The following KIF26B variants were observed in gnomAD, a reference collection of about 807,000 sequenced individuals.
KIF26B encodes kinesin-like protein KIF26B.
In KIF26B, 63 loss-of-function variants were observed where a neutral mutation model predicts 151.2. The ratio of observed to expected loss-of-function variants is 0.42; its 90% CI spans 0.34 to 0.51. The LOEUF (loss-of-function observed/expected upper bound fraction) is 0.51, where lower values mean the gene tolerates loss of function less well. Among genes scored for constraint, KIF26B ranks in the 20% least tolerant of loss-of-function variants. The pLI is 0.07. For missense variants in KIF26B, 2,813 were observed against 2,913.6 expected (o/e 0.97, Z 0.79); for synonymous variants, 1,357 against 1,262.1 (o/e 1.08, Z -1.59).
Position 245,706,590 on chromosome 1 carries a change from GCA to G in KIF26B, c.*3991_*3992del, listed in dbSNP as rs1233969695. The G allele has an allele frequency of 1.3e-5, 2 of 152,196 alleles. No homozygotes were observed. The allele number at this position is 152,196 out of a possible 1,614,324, so 9.4% of individuals were successfully genotyped here. On this transcript the variant is annotated 3_prime_UTR_variant, in exon 15 of 15. Coordinates refer to ENST00000407071, the MANE Select transcript of KIF26B (RefSeq NM_018012.4). ...GCTGGACTAGTAACCCATTCTTGGA[GCA>G]CACACAGAGTCCCTCGCTTCTAAAG...
chr1:245,538,520 G>A (rs1225747580), intron 4 of KIF26B, among the ~76,000 whole-genome samples: 1 of 151,970 alleles, frequency 6.6e-6, no homozygotes, highest in Non-Finnish European at 1.5e-5. Context: ...CTCCTCAGCA[G>A]GGGATGTGTG....
rs1011197834 is a variant in KIF26B, at chr1:245,708,719, C to G, written c.*6113C>G. The G allele has an allele frequency of 1.3e-5, 2 of 152,232 alleles. No individual in the cohort carries two copies. The highest frequency in any genetic ancestry group is 2.9e-5 in the Non-Finnish European group (2 of 68,048). The allele number at this position is 152,232 out of a possible 1,614,324, so 9.4% of individuals were successfully genotyped here. Reference sequence around the variant, plus strand: ...CCGTCCGTGATATATTACCTAACTCCTCCAGAACTCAGTTTTCTAACCTAT... The same window carrying G: ...CCGTCCGTGATATATTACCTAACTCGTCCAGAACTCAGTTTTCTAACCTAT... On this transcript the variant is annotated 3_prime_UTR_variant, in exon 15 of 15. Coordinates refer to ENST00000407071, the MANE Select transcript of KIF26B (RefSeq NM_018012.4).
chr1:245,528,589 A>G (rs1317323332), intron 4 of KIF26B, among the ~76,000 whole-genome samples: 2 of 152,224 alleles, frequency 1.3e-5, no homozygotes, highest in African/African-American at 4.8e-5. Context: ...TGGGCAATGA[A>G]GCAGCTCTAA....
rs550132708 is a variant in KIF26B, at chr1:245,364,578, G to A, written c.466-2256G>A. Among the ~76,000 whole-genome samples, 5 of 151,860 alleles carry A rather than the reference G, an allele frequency of 3.3e-5. 1 individual carries two copies. The highest frequency in any genetic ancestry group is 1.2e-4 in the African/African-American group (5 of 41,392). ...TGGGACTACAGGCGCCCGCCACCAC[G>A]CCCAGCTAATTTTTTTGTATTTTAG... On this transcript the variant is annotated intron_variant, in intron 2 of 14. Coordinates refer to ENST00000407071, the MANE Select transcript of KIF26B (RefSeq NM_018012.4).
At chr1:245,223,195 G>T (rs73127155) in intron 2 of KIF26B, among the ~76,000 whole-genome samples, 1 of 152,146 alleles carries the variant, frequency 6.6e-6, no homozygotes, top group Non-Finnish European at 1.5e-5. Flanking sequence ...GCTAGCCCCA[G>T]ATTGCAGCAG....
At position 245,368,545 on chromosome 1, in the gene KIF26B, AGGT is replaced by A. The variant is rs981996349; in HGVS notation, c.999+1181_999+1183del. Among the ~76,000 whole-genome samples the A allele has an allele frequency of 3.4e-4, 52 of 152,130 alleles. 2 individuals are homozygous for A. The highest frequency in any genetic ancestry group is 4.4e-5 in the Non-Finnish European group (3 of 68,018). ...GGGTCTGTCATGGTGGGTGTTTGGT[AGGT>A]GGCCTTCTGCTGCGATGTGAGGACT... On this transcript the variant is annotated intron_variant, in intron 3 of 14. Transcript: ENST00000407071.
chr1:245,578,077 C>T (rs139930427), intron 5 of KIF26B, among the ~76,000 whole-genome samples: 177 of 152,356 alleles, frequency 1.2e-3, no homozygotes, highest in African/African-American at 4.1e-3. Context: ...AGTCCACTCT[C>T]CCCAGTCTCC....
intron 4 of KIF26B, among the ~76,000 whole-genome samples, chr1:245,477,252 A>G (rs1300001744): frequency 6.6e-6 from 1 of 151,908 alleles, no homozygotes; most frequent in Non-Finnish European, 1.5e-5. Flanking sequence ...CTTAGAAAGC[A>G]TATTTTTGAA....
At chr1:245,453,104 G>T (rs1659435152) in intron 4 of KIF26B, among the ~76,000 whole-genome samples, 1 of 152,066 alleles carries the variant, frequency 6.6e-6, no homozygotes, top group Non-Finnish European at 1.5e-5. Context: ...TTAATTTTTT[G>T]TGTATGGTGT....
At chr1:245,155,510 G>A (rs1307733018) in intron 1 of KIF26B, 23 bp downstream of exon 1, 7 of 1,595,828 alleles carry the variant, frequency 4.4e-6, no homozygotes, top group Non-Finnish European at 6.0e-6. Flanking sequence ...GGTACGACGC[G>A]GAGACGCGTT....
intron 2 of KIF26B, among the ~76,000 whole-genome samples, chr1:245,267,673 CACACACACACAA>C (rs1452998229): frequency 2.9e-4 from 37 of 129,728 alleles, no homozygotes; most frequent in Middle Eastern, 4.1e-3. Flanking sequence ...CACACACACA[CACACACACACAA>C]AAGGAGAAAA....
chr1:245,531,430 A>G (rs6697408), intron 4 of KIF26B, among the ~76,000 whole-genome samples: 51,519 of 151,894 alleles, frequency 0.34, 9,645 homozygotes, highest in Middle Eastern at 0.46. Context: ...TTTTTTTTCA[A>G]CCCGTAATGT....
rs141035693 is a variant in KIF26B, at chr1:245,522,841, C to G, written c.1167-17926C>G. ...ACTTGTGATGTAGCAGGGCTTACAG[C>G]AAAGGCATCCCTTTCACCTTGCTCT... On this transcript the variant is annotated intron_variant, in intron 4 of 14. Transcript: ENST00000407071. Among the ~76,000 whole-genome samples, 112 of 152,290 alleles carry G rather than the reference C, an allele frequency of 7.4e-4. No individual in the cohort carries two copies. The East Asian group carries it at 0.015, about 20-fold the overall frequency.
At chr1:245,320,140 G>A (rs934057206) in intron 2 of KIF26B, among the ~76,000 whole-genome samples, 4 of 152,192 alleles carry the variant, frequency 2.6e-5, no homozygotes, top group African/African-American at 7.2e-5. Context: ...GAGCAGCAAT[G>A]TGCCCTGCAC....
chr1:245,675,277 A>ATGAT (rs145408934), intron 10 of KIF26B, among the ~76,000 whole-genome samples: 3,145 of 152,268 alleles, frequency 0.021, 47 homozygotes, highest in Non-Finnish European at 0.033. Context: ...TTACATTGGC[A>ATGAT]TGATTGATTG....
chr1:245,583,947 A>G (rs754997761), intron 5 of KIF26B, among the ~76,000 whole-genome samples: 7 of 152,246 alleles, frequency 4.6e-5, no homozygotes, highest in Non-Finnish European at 1.0e-4. Flanking sequence ...GACCCTCTGT[A>G]GAAGCAGAGG....
At chr1:245,406,838 AGT>A (rs753995134) in intron 3 of KIF26B, among the ~76,000 whole-genome samples, 10 of 151,888 alleles carry the variant, frequency 6.6e-5, no homozygotes, top group Non-Finnish European at 1.0e-4. Context: ...CCCAGGCTGG[AGT>A]GTAGTGGTGC....
chr1:245,609,538 T>C lies in KIF26B; in HGVS notation c.1914+10T>C. The C allele has an allele frequency of 6.6e-7, 1 of 1,520,824 alleles. No homozygotes were observed. The allele number at this position is 1,520,824 out of a possible 1,614,324, so 94.2% of individuals were successfully genotyped here. A position where few individuals can be genotyped will look rare whatever the true frequency, so the allele number is the denominator to read the frequency against. On this transcript the variant is annotated intron_variant, in intron 8 of 14. Coordinates refer to ENST00000407071, the MANE Select transcript of KIF26B (RefSeq NM_018012.4). ...CATCTGCGGCACGCAGGTGATTGCT[T>C]CTGAAGCCTGGCTCGCCCCAAGGTG... is the stretch of plus-strand genomic sequence containing the variant.
intron 9 of KIF26B, among the ~76,000 whole-genome samples, chr1:245,613,450 A>G (rs1372204261): frequency 6.6e-6 from 1 of 152,128 alleles, no homozygotes; most frequent in Non-Finnish European, 1.5e-5. Flanking sequence ...TAAAAATAAA[A>G]AAATTAGCTG....
Sources: allele counts gnomAD v4.1 joint callset (sites outside exome capture counted in the v4.1 genomes callset), GRCh38; gene constraint gnomAD v4.1.1; transcripts MANE v1.5; gene names NCBI Gene and HGNC (gene_info 2026-07-23, HGNC 2026-07-21).